XRN1: variants seen among roughly 807,000 people sequenced by gnomAD.
XRN1 encodes strand-exchange protein 1 homolog.
In XRN1, 67 loss-of-function variants were observed where a neutral mutation model predicts 222.3. The observed-to-expected ratio is 0.30, with a 90% CI of 0.25 to 0.37. XRN1 has a LOEUF of 0.37. XRN1 is among the 10% of genes least tolerant of loss of function. The probability of loss-of-function intolerance (pLI) is 1.00; values close to 1 mark genes in which losing one functional copy is unlikely to be tolerated. For synonymous variants in XRN1, 643 were observed against 652.4 expected, an observed-to-expected ratio of 0.99 and a Z score of 0.22; for missense variants, 1,707 against 2,000.2, an observed-to-expected ratio of 0.85 and a Z score of 2.80.
rs562720372 is a variant in XRN1 at position 142,308,832 on chromosome 3, C to T, written c.*2679G>A. The T allele has an allele frequency of 6.6e-6, 1 of 152,324 alleles. No individual in the cohort carries two copies. The highest frequency in any genetic ancestry group is 2.1e-4 in the South Asian group (1 of 4,826). 9.4% of individuals were successfully genotyped at this position (152,324 alleles called of 1,614,324 possible). On this transcript the variant is annotated 3_prime_UTR_variant, in exon 41 of 41. Coordinates refer to ENST00000392981, the MANE Select transcript of XRN1 (RefSeq NM_001282857.2). ...TGGGGAATCTGTCCTATGCCCTAAA[C>T]AGTCCACCATTTTCACAAAAAGTCC...
intron 27 of XRN1, among the ~76,000 whole-genome samples, chr3:142,367,149 T>C (rs1296484643): frequency 6.6e-6 from 1 of 152,052 alleles, no homozygotes; most frequent in East Asian, 1.9e-4. Flanking sequence ...TAGCCGAGCA[T>C]GGTGGTGCCT....
At position 142,432,678 on chromosome 3, in the gene XRN1, C is replaced by T; in HGVS notation, c.291G>A (p.Gln97=). The T allele has an allele frequency of 6.2e-7, 1 of 1,605,454 alleles. No homozygotes were observed. Among genetic ancestry groups the T allele is most frequent in the South Asian group, 1.1e-5 (1 of 89,650 alleles). Residue 97 remains glutamine (Q), a synonymous_variant, in exon 2 of 41, where the codon CAG becomes CAA. Coordinates refer to ENST00000392981, the MANE Select transcript of XRN1 (RefSeq NM_001282857.2). ...TGTTTTACCTAAAACGCCTCCCACGCTGCTGGTTCATTTTTGCTCGAGGAG... is the reference window on the plus strand; with the variant it reads ...TGTTTTACCTAAAACGCCTCCCACGTTGCTGGTTCATTTTTGCTCGAGGAG... ...GVAPRAKMNQ[Q]RGRRFRSAKE... is the part of the protein sequence containing the mutation.
At position 142,386,705 on chromosome 3, in the gene XRN1, G is replaced by T. The variant is rs1432814077; in HGVS notation, c.2340-2020C>A. 2.0e-5 allele frequency among the ~76,000 whole-genome samples: 3 copies of T among 152,082 alleles called. No individual in the cohort carries two copies. The South Asian group carries it at 6.2e-4, about 31-fold the overall frequency. On this transcript the variant is annotated intron_variant, in intron 20 of 40. Transcript: ENST00000392981. ...ACTTGAACAGGCATTTCACAAAAGA[G>T]TATGCATATTCAAATGGCCAACAAA...
At chr3:142,327,644 G>A (rs2065557796) in intron 37 of XRN1, among the ~76,000 whole-genome samples, 1 of 151,380 alleles carries the variant, frequency 6.6e-6, no homozygotes, top group Admixed American at 6.6e-5. Context: ...TTTTGGGTTT[G>A]GTTTCCTCTT....
At chr3:142,324,085 GTT>G (rs548473423) in intron 37 of XRN1, among the ~76,000 whole-genome samples, 7 of 145,152 alleles carry the variant, frequency 4.8e-5, no homozygotes, top group African/African-American at 1.8e-4. Flanking sequence ...TTTTTTTTCA[GTT>G]TTTTTTTTAT....
intron 33 of XRN1, among the ~76,000 whole-genome samples, chr3:142,346,708 T>C (rs2066153374): frequency 6.6e-6 from 1 of 152,184 alleles, no homozygotes; most frequent in South Asian, 2.1e-4. Context: ...CTTGAACTCC[T>C]GGGCTCAAGT....
At chr3:142,371,202 G>C in intron 26 of XRN1, 37 bp downstream of exon 26, 1 of 1,444,900 alleles carries the variant, frequency 6.9e-7, no homozygotes, top group Non-Finnish European at 9.7e-7. Context: ...ACACTGAATT[G>C]AACTATGAGG....
intron 23 of XRN1, among the ~76,000 whole-genome samples, chr3:142,377,149 C>G (rs2067168512): frequency 6.6e-6 from 1 of 150,684 alleles, no homozygotes; most frequent in South Asian, 2.1e-4. Flanking sequence ...ATGTATAGAC[C>G]CATAATTAAT....
intron 19 of XRN1, among the ~76,000 whole-genome samples, chr3:142,398,829 T>C (rs2068023489): frequency 6.6e-6 from 1 of 152,114 alleles, no homozygotes; most frequent in Non-Finnish European, 1.5e-5. Context: ...CTGGCTGTCC[T>C]AAACTCTAAA....
intron 33 of XRN1, among the ~76,000 whole-genome samples, chr3:142,337,090 T>C (rs1252263232): frequency 6.6e-6 from 1 of 152,138 alleles, no homozygotes; most frequent in East Asian, 1.9e-4. Context: ...ATACCATGCA[T>C]ATATAAAATA....
At chr3:142,376,062 G>A in intron 24 of XRN1, 118 bp from the exon 25 acceptor site, 5 of 1,375,490 alleles carry the variant, frequency 3.6e-6, no homozygotes, top group Non-Finnish European at 4.7e-6. Context: ...GAAAAGCTCA[G>A]TTTTGATTAT....
intron 36 of XRN1, among the ~76,000 whole-genome samples, chr3:142,329,833 T>C (rs2065640940): frequency 6.6e-6 from 1 of 152,184 alleles, no homozygotes; most frequent in South Asian, 2.1e-4. Context: ...CAAGTGACTG[T>C]CAGCTTACCT....
At position 142,311,398 on chromosome 3, in the gene XRN1, A is replaced by G; in HGVS notation, c.*113T>C. On this transcript the variant is annotated 3_prime_UTR_variant, in exon 41 of 41. Transcript: ENST00000392981. ...TAACTTAAAAATGAAAAAAATTTCA[A>G]TTTACACATATTATTTTAAAATAGT... The G allele has an allele frequency of 1.9e-6, 2 of 1,047,100 alleles. No individual in the cohort carries two copies. Among genetic ancestry groups the G allele is most frequent in the South Asian group, 4.4e-5 (2 of 44,968 alleles). The allele number at this position is 1,047,100 out of a possible 1,614,324, so 64.9% of individuals were successfully genotyped here. A position where few individuals can be genotyped will look rare whatever the true frequency, so the allele number is the denominator to read the frequency against.
chr3:142,329,768 G>T (rs1158141275), intron 36 of XRN1, among the ~76,000 whole-genome samples, 153 bp from the exon 37 acceptor site: 1 of 152,188 alleles, frequency 6.6e-6, no homozygotes, highest in Non-Finnish European at 1.5e-5. Context: ...ACAGAATCAG[G>T]ATTTCAGGTG....
chr3:142,326,321 TCTTGC>T (rs1323868091), intron 37 of XRN1, among the ~76,000 whole-genome samples: 1 of 152,152 alleles, frequency 6.6e-6, no homozygotes, highest in African/African-American at 2.4e-5. Flanking sequence ...TTCTTCAATT[TCTTGC>T]ATCATTGTTT....
chr3:142,426,820 G>T lies in XRN1; in HGVS notation c.330C>A (p.Asp110Glu). 6.2e-7 allele frequency: 1 copy of T among 1,613,282 alleles called. No individual in the cohort carries two copies. The change falls in exon 3 of 41, where the codon GAC becomes GAA. Residue 110 changes from aspartate (D) to glutamate (E), a missense_variant. By Grantham distance (45) the Asp-to-Glu change is conservative. Transcript: ENST00000392981. The stretch of plus-strand genomic sequence containing the variant: ...CCTTCTCTATTGCCTTTTTAATTTT[G>T]TCTTCTGCCTCCTTTGCTGACCTTA... Reference protein sequence around the residue: ...RRFRSAKEAEDKIKKAIEKGE... With the variant: ...RRFRSAKEAEEKIKKAIEKGE...
At chr3:142,360,248 TGTTTTGCAA>T (rs1190082295) in intron 29 of XRN1, among the ~76,000 whole-genome samples, 2 of 152,238 alleles carry the variant, frequency 1.3e-5, no homozygotes, top group Admixed American at 1.3e-4. Context: ...TACATAGTAT[TGTTTTGCAA>T]GTTTTGAAAC....
chr3:142,364,820 C>T (rs911489137), intron 29 of XRN1, among the ~76,000 whole-genome samples: 5 of 152,058 alleles, frequency 3.3e-5, no homozygotes, highest in Non-Finnish European at 7.4e-5. Flanking sequence ...TCAGCAGCCC[C>T]TTCTCAGTTT....
In XRN1 at chr3:142,355,382, C is replaced by G. The variant is rs1054268556; in HGVS notation, c.3768+19G>C. 7 of 1,353,018 alleles carry G rather than the reference C, an allele frequency of 5.2e-6. No individual in the cohort carries two copies. Among genetic ancestry groups the G allele is most frequent in the Non-Finnish European group, 6.9e-6 (7 of 1,017,274 alleles). The allele number at this position is 1,353,018 out of a possible 1,614,324, so 83.8% of individuals were successfully genotyped here. On this transcript the variant is annotated intron_variant, in intron 32 of 40. Transcript: ENST00000392981. ...TATTTTCTTTAAATTAATTGTCCAT[C>G]AAAACAAGGAATACTAACCTTCTCT...
Sources: allele counts gnomAD v4.1 joint callset (sites outside exome capture counted in the v4.1 genomes callset), GRCh38; gene constraint gnomAD v4.1.1; transcripts MANE v1.5; gene names NCBI Gene and HGNC (gene_info 2026-07-23, HGNC 2026-07-21).